TRIM62: variants seen among roughly 807,000 people sequenced by gnomAD.
The protein encoded by TRIM62 is E3 ubiquitin-protein ligase TRIM62.
Under a neutral mutation model 44.2 loss-of-function variants are expected in TRIM62, and 39 were observed. The ratio of observed to expected loss-of-function variants is 0.88; its 90% CI spans 0.68 to 1.15. The LOEUF (loss-of-function observed/expected upper bound fraction) is 1.15. Among genes scored for constraint, TRIM62 ranks in the 50% most tolerant of loss-of-function variants. The pLI is 0.00. For synonymous variants in TRIM62, 278 were observed against 292.3 expected (o/e 0.95, Z 0.50); for missense variants, 544 against 665.5 (o/e 0.82, Z 2.01).
rs1645427291 is a variant in TRIM62 at position 33,177,085 on chromosome 1, GCACAAATGCACACACATGCACA to G, written c.408+3918_408+3939del. Among the ~76,000 whole-genome samples, 1 of 147,738 alleles carries G rather than the reference GCACAAATGCACACACATGCACA, an allele frequency of 6.8e-6. No individual in the cohort carries two copies. The highest frequency in any genetic ancestry group is 1.5e-5 in the Non-Finnish European group (1 of 66,792). On this transcript the variant is annotated intron_variant, in intron 1 of 4. Coordinates refer to ENST00000291416, the MANE Select transcript of TRIM62 (RefSeq NM_018207.3). This position sits in a 1 kb window ranked among gnomAD's most constrained non-coding sequence, Gnocchi z 4.1. ...CACACATGCACACACACACATGCAT[GCACAAATGCACACACATGCACA>G]CACACATGCATGTACGCATGCACAC...
chr1:33,175,001 G>GTATTTATATGCA (rs56292337), intron 1 of TRIM62, among the ~76,000 whole-genome samples: 1 of 135,646 alleles, frequency 7.4e-6, no homozygotes, highest in African/African-American at 2.9e-5. Flanking sequence ...ACACACACAT[G>GTATTTATATGCA]TATGTATATG....
Position 33,171,740 on chromosome 1 carries a change from C to G in TRIM62, c.409-6174G>C, listed in dbSNP as rs575897813. On this transcript the variant is annotated intron_variant, in intron 1 of 4. Transcript: ENST00000291416. ...CACCTGGCTGTGCTCACAGCACCCTCCCTCCACCTTGGTTTCCAAATCTGT... is the reference window on the plus strand; with the variant it reads ...CACCTGGCTGTGCTCACAGCACCCTGCCTCCACCTTGGTTTCCAAATCTGT... Among the ~76,000 whole-genome samples, 31 of 152,264 alleles carry G rather than the reference C, an allele frequency of 2.0e-4. 1 individual carries two copies. The highest frequency in any genetic ancestry group is 8.3e-4 in the South Asian group (4 of 4,824).
chr1:33,150,188 G>A (rs1645077222), intron 4 of TRIM62, among the ~76,000 whole-genome samples: 1 of 152,244 alleles, frequency 6.6e-6, no homozygotes, highest in Non-Finnish European at 1.5e-5. Context: ...GAGGAAAAGT[G>A]GGAAGAAGGA....
rs1189190193 is a variant in TRIM62 at position 33,181,379 on chromosome 1, G to GT, written c.53dup (p.Tyr18Ter). The stretch of plus-strand genomic sequence containing the variant: ...CGCAGCCCAGGCTCACCGGGTCCTG[G>GT]TAGATGCTCAGGCAGATGGAGCACA... ...ELLCSICLSI[Y>*]QDPVSLGCEH... The change falls in exon 1 of 5, where the codon TAC (tyrosine) becomes TAAC (stop). Residue 18 changes from tyrosine to a stop codon, truncating the protein, a stop_gained and frameshift_variant. Transcript: ENST00000291416. LOFTEE classifies it high-confidence loss of function. This position sits in a 1 kb window ranked among gnomAD's most constrained non-coding sequence, Gnocchi z 6.5. 6.2e-7 allele frequency: 1 copy of GT among 1,601,664 alleles called. No homozygotes were observed. Among genetic ancestry groups the GT allele is most frequent in the Admixed American group, 1.7e-5 (1 of 58,800 alleles).
chr1:33,174,779 T>C (rs553138419), intron 1 of TRIM62, among the ~76,000 whole-genome samples: 150 of 152,208 alleles, frequency 9.9e-4, no homozygotes, highest in Non-Finnish European at 1.5e-3. Flanking sequence ...AACCTACCAG[T>C]TTATGGGCCT....
intron 2 of TRIM62, chr1:33,164,195 G>A (rs368042522): frequency 2.0e-5 from 3 of 152,284 alleles, no homozygotes; most frequent in African/African-American, 7.2e-5. Flanking sequence ...ACTCTGGAAT[G>A]TTCTGTGAAG....
At chr1:33,150,014 C>T (rs1645074852) in intron 4 of TRIM62, among the ~76,000 whole-genome samples, 1 of 152,182 alleles carries the variant, frequency 6.6e-6, no homozygotes, top group Admixed American at 6.5e-5. Context: ...GCTGGCCACA[C>T]CGGCTTAGCA....
In TRIM62 at chr1:33,158,128, C is replaced by G. The variant is rs1645206556; in HGVS notation, c.877+125G>C. ...TGCCCAGGACAGGTCCTGGAACACACTAGGTGCTCAGCAAGGCACTCTGCT... is the reference window on the plus strand; with the variant it reads ...TGCCCAGGACAGGTCCTGGAACACAGTAGGTGCTCAGCAAGGCACTCTGCT... On this transcript the variant is annotated intron_variant, in intron 4 of 4. Transcript: ENST00000291416. 6 of 783,200 alleles carry G rather than the reference C, an allele frequency of 7.7e-6. No homozygotes were observed. In the Admixed American group the frequency reaches 1.1e-4, roughly 14 times the overall value. The allele number at this position is 783,200 out of a possible 1,614,324, so 48.5% of individuals were successfully genotyped here. A position where few individuals can be genotyped will look rare whatever the true frequency, so the allele number is the denominator to read the frequency against.
intron 1 of TRIM62, chr1:33,176,688 C>T: frequency 2.4e-6 from 1 of 408,798 alleles, no homozygotes. Context: ...AATTACCCAG[C>T]CCTCAGAGGT....
chr1:33,153,720 G>A (rs1204674585), intron 4 of TRIM62, among the ~76,000 whole-genome samples: 1 of 152,228 alleles, frequency 6.6e-6, no homozygotes, highest in South Asian at 2.1e-4. Flanking sequence ...AGAGGAGGCA[G>A]TGACTTGTTC....
rs1040204604 is a variant in TRIM62 at position 33,177,657 on chromosome 1, G to T, written c.408+3368C>A. Among the ~76,000 whole-genome samples the T allele has an allele frequency of 6.6e-6, 1 of 152,144 alleles. No homozygotes were observed. The highest frequency in any genetic ancestry group is 2.4e-5 in the African/African-American group (1 of 41,416). On this transcript the variant is annotated intron_variant, in intron 1 of 4. Coordinates refer to ENST00000291416, the MANE Select transcript of TRIM62 (RefSeq NM_018207.3). This position sits in a 1 kb window ranked among gnomAD's most constrained non-coding sequence, Gnocchi z 4.1. ...TCAATGCTTGGAGATGGTTTTGATT[G>T]TCACAACTTGCGGGGTGGGTGGAGT...
In TRIM62 at chr1:33,181,256, C is replaced by G; in HGVS notation, c.177G>C (p.Glu59Asp). 6.5e-7 allele frequency: 1 copy of G among 1,548,068 alleles called. No individual in the cohort carries two copies. The highest frequency in any genetic ancestry group is 8.7e-7 in the Non-Finnish European group (1 of 1,152,602). Residue 59 changes from glutamate to aspartate, a missense_variant, in exon 1 of 5, where the codon GAG becomes GAC. Transcript: ENST00000291416. The surrounding 1 kb of genome is among the most constrained non-coding windows in gnomAD (Gnocchi z 6.5). ...DCPECRRTFAEPALAPSLKLA... is the reference protein window; with the variant it reads ...DCPECRRTFADPALAPSLKLA... ...GCTTGAGGCTGGGCGCCAGCGCGGG[C>G]TCGGCGAACGTGCGCCGGCACTCGG...
chr1:33,165,755 C>T lies in TRIM62; in HGVS notation c.409-189G>A, dbSNP rs141293039. On this transcript the variant is annotated intron_variant, in intron 1 of 4. Transcript: ENST00000291416. The surrounding 1 kb of genome is among the most constrained non-coding windows in gnomAD (Gnocchi z 4.0). ...CTCCTAAACACCTCCAGAACCCGTC[C>T]GTATCTTTCACCTGCATCTTTGCAA... 1.6e-3 allele frequency: 667 copies of T among 429,470 alleles called. 5 individuals carry two copies. The East Asian group carries it at 0.019, about 13-fold the overall frequency. The allele number at this position is 429,470 out of a possible 1,614,324, so 26.6% of individuals were successfully genotyped here.
rs1005299570 is a variant in TRIM62, at chr1:33,159,001, C to A, written c.762-633G>T. On this transcript the variant is annotated intron_variant, in intron 3 of 4. Coordinates refer to ENST00000291416, the MANE Select transcript of TRIM62 (RefSeq NM_018207.3). The surrounding 1 kb of genome is among the most constrained non-coding windows in gnomAD (Gnocchi z 4.2). ...GACTACAGGTGCCTGCCACCACGCCCGGCTAATTTTTGTATTTTTTTTTAG... is the reference window on the plus strand; with the variant it reads ...GACTACAGGTGCCTGCCACCACGCCAGGCTAATTTTTGTATTTTTTTTTAG... 6.6e-6 allele frequency among the ~76,000 whole-genome samples: 1 copy of A among 151,990 alleles called. No individual in the cohort carries two copies. Among genetic ancestry groups the A allele is most frequent in the African/African-American group, 2.4e-5 (1 of 41,346 alleles).
chr1:33,147,238 C>T lies in TRIM62; in HGVS notation c.1367G>A (p.Gly456Asp). ...PGKLCSYFSPGQSHANGKNVQ... is the reference protein window; with the variant it reads ...PGKLCSYFSPDQSHANGKNVQ... ...GTTCTTGCCATTGGCGTGGCTCTGG[C>T]CAGGGCTGAAGTAAGAGCAGAGCTT... Residue 456 changes from glycine (G) to aspartate (D), a missense_variant, in exon 5 of 5, where the codon GGC (glycine) becomes GAC (aspartate). Transcript: ENST00000291416. This position sits in a 1 kb window ranked among gnomAD's most constrained non-coding sequence, Gnocchi z 8.1. 1.2e-6 allele frequency: 2 copies of T among 1,613,964 alleles called. No homozygotes were observed. The highest frequency in any genetic ancestry group is 1.7e-6 in the Non-Finnish European group (2 of 1,180,004).
chr1:33,168,686 A>G (rs1645349735), intron 1 of TRIM62, among the ~76,000 whole-genome samples: 1 of 152,252 alleles, frequency 6.6e-6, no homozygotes, highest in South Asian at 2.1e-4. Context: ...GAGCGGATAC[A>G]GTCCTCGGAG....
intron 1 of TRIM62, among the ~76,000 whole-genome samples, chr1:33,179,923 A>T (rs1323141099): frequency 6.6e-6 from 1 of 152,232 alleles, no homozygotes; most frequent in Non-Finnish European, 1.5e-5. Context: ...GGGTGGGTAT[A>T]AAAAATATAC....
In TRIM62 at chr1:33,177,067, G is replaced by GCA. The variant is rs10535508; in HGVS notation, c.408+3956_408+3957dup. 9.3e-5 allele frequency among the ~76,000 whole-genome samples: 14 copies of GCA among 150,756 alleles called. No homozygotes were observed. The highest frequency in any genetic ancestry group is 2.4e-4 in the African/African-American group (10 of 41,066). On this transcript the variant is annotated intron_variant, in intron 1 of 4. Transcript: ENST00000291416. This position sits in a 1 kb window ranked among gnomAD's most constrained non-coding sequence, Gnocchi z 4.1. ...CACACACACGCACACACACACACAT[G>GCA]CACACACACACATGCATGCACAAAT...
rs887391892 is a variant in TRIM62 at position 33,177,676 on chromosome 1, G to A, written c.408+3349C>T. Among the ~76,000 whole-genome samples the A allele has an allele frequency of 3.9e-5, 6 of 152,146 alleles. No homozygotes were observed. The highest frequency in any genetic ancestry group is 5.9e-5 in the Non-Finnish European group (4 of 68,032). The stretch of plus-strand genomic sequence containing the variant: ...TTGATTGTCACAACTTGCGGGGTGG[G>A]TGGAGTTTGCTACTGGCATCTAATG... On this transcript the variant is annotated intron_variant, in intron 1 of 4. Coordinates refer to ENST00000291416, the MANE Select transcript of TRIM62 (RefSeq NM_018207.3). This position sits in a 1 kb window ranked among gnomAD's most constrained non-coding sequence, Gnocchi z 4.1.
Sources: gnomAD v4.1 joint callset for allele counts (sites outside exome capture counted in the v4.1 genomes callset) on GRCh38, gnomAD v4.1.1 for gene constraint, Gnocchi (gnomAD v3.1) non-coding constraint, MANE v1.5 for transcripts, NCBI Gene and HGNC (gene_info 2026-07-23, HGNC 2026-07-21) for gene names.